GRM3: variants seen among roughly 807,000 people sequenced by gnomAD.
GRM3 encodes glutamate metabotropic receptor 3.
In GRM3, 26 loss-of-function variants were observed where a neutral mutation model predicts 70.5. That is an observed-to-expected ratio of 0.37 (90% CI 0.27 to 0.51). The LOEUF (loss-of-function observed/expected upper bound fraction) is 0.51. Ranked by LOEUF, GRM3 falls within the 20% of genes least tolerant of loss-of-function variation. The pLI is 0.93. For missense variants in GRM3, 859 were observed against 1,123.8 expected, an observed-to-expected ratio of 0.76 and a Z score of 3.37; for synonymous variants, 443 against 434.9, an observed-to-expected ratio of 1.02 and a Z score of -0.23.
intron 1 of GRM3, among the ~76,000 whole-genome samples, chr7:86,666,137 T>A (rs1009409750): frequency 6.6e-6 from 1 of 152,060 alleles, no homozygotes. Context: ...AATAATCCTT[T>A]AGAGGTTTTA....
chr7:86,726,503 T>C (rs1795596069), intron 1 of GRM3, among the ~76,000 whole-genome samples: 1 of 152,206 alleles, frequency 6.6e-6, no homozygotes. Flanking sequence ...TCAGTTCAAT[T>C]CTTTGTGTTC....
rs372478503 is a variant in GRM3, at chr7:86,765,119, T to C, written c.-27T>C. ...TGACACATTGGCTCCACCATTGATA[T>C]CTCCCAGAGGTACAGAAACAGGATT... On this transcript the variant is annotated 5_prime_UTR_variant, in exon 2 of 6. Coordinates refer to ENST00000361669, the MANE Select transcript of GRM3 (RefSeq NM_000840.3). 3.3e-5 allele frequency: 51 copies of C among 1,533,000 alleles called. No homozygotes were observed. The highest frequency in any genetic ancestry group is 4.0e-5 in the Non-Finnish European group (46 of 1,146,530). 95.0% of individuals were successfully genotyped at this position (1,533,000 alleles called of 1,614,324 possible).
At chr7:86,756,734 A>G (rs1431514860) in intron 1 of GRM3, among the ~76,000 whole-genome samples, 1 of 152,018 alleles carries the variant, frequency 6.6e-6, no homozygotes, top group Non-Finnish European at 1.5e-5. Context: ...TTGGTTTTGT[A>G]ATCTTATGTT....
chr7:86,747,685 T>C (rs918437707), intron 1 of GRM3, among the ~76,000 whole-genome samples: 1 of 152,082 alleles, frequency 6.6e-6, no homozygotes, highest in African/African-American at 2.4e-5. Context: ...TCTGCATCCT[T>C]ACACTGGTAA....
chr7:86,775,588 T>C (rs1002035666), intron 2 of GRM3, among the ~76,000 whole-genome samples: 1 of 152,048 alleles, frequency 6.6e-6, no homozygotes, highest in African/African-American at 2.4e-5. Context: ...ATTAATAGCT[T>C]TTTATCTCTT....
chr7:86,776,673 T>C (rs1001078792), intron 2 of GRM3, among the ~76,000 whole-genome samples: 1 of 152,162 alleles, frequency 6.6e-6, no homozygotes, highest in Non-Finnish European at 1.5e-5. Flanking sequence ...TACAAGTGAC[T>C]TCAGGGACCA....
intron 1 of GRM3, among the ~76,000 whole-genome samples, chr7:86,715,478 T>C (rs540537467): frequency 4.6e-5 from 7 of 152,150 alleles, no homozygotes; most frequent in South Asian, 4.1e-4. Flanking sequence ...TCTTGCATTA[T>C]AAGTAGATGC....
intron 1 of GRM3, among the ~76,000 whole-genome samples, chr7:86,705,655 T>C (rs1452653808): frequency 2.6e-5 from 4 of 152,074 alleles, no homozygotes; most frequent in Non-Finnish European, 4.4e-5. Flanking sequence ...TTGTTTTGCA[T>C]ACATAATTTT....
chr7:86,728,649 C>T (rs532230414), intron 1 of GRM3, among the ~76,000 whole-genome samples: 1 of 152,294 alleles, frequency 6.6e-6, no homozygotes, highest in African/African-American at 2.4e-5. Context: ...TTCTGTTTGT[C>T]CTACCACTTT....
At chr7:86,702,339 C>G (rs768007543) in intron 1 of GRM3, among the ~76,000 whole-genome samples, 53 of 152,126 alleles carry the variant, frequency 3.5e-4, no homozygotes, top group South Asian at 1.2e-3. Context: ...CTCTTCATCC[C>G]TTGCTGCATC....
At chr7:86,646,448 T>A (rs1413844978) in intron 1 of GRM3, among the ~76,000 whole-genome samples, 10 of 152,152 alleles carry the variant, frequency 6.6e-5, no homozygotes, top group Admixed American at 6.5e-4. Context: ...TATCTTATGT[T>A]CAGAGTAACA....
intron 2 of GRM3, among the ~76,000 whole-genome samples, chr7:86,783,093 G>C (rs963014214): frequency 6.6e-6 from 1 of 152,094 alleles, no homozygotes; most frequent in Non-Finnish European, 1.5e-5. Flanking sequence ...GAATATTCCA[G>C]AACCAAGCTT....
chr7:86,836,723 A>G (rs1425615146), intron 3 of GRM3, among the ~76,000 whole-genome samples: 5 of 152,180 alleles, frequency 3.3e-5, no homozygotes, highest in Admixed American at 6.5e-5. Flanking sequence ...TATTATCATT[A>G]TCACTAACAC....
chr7:86,693,995 C>T (rs1334747793), intron 1 of GRM3, among the ~76,000 whole-genome samples: 1 of 152,138 alleles, frequency 6.6e-6, no homozygotes, highest in Non-Finnish European at 1.5e-5. Context: ...GTATTAAGTT[C>T]ATAAATCACT....
At chr7:86,759,730 AC>A (rs1796433393) in intron 1 of GRM3, among the ~76,000 whole-genome samples, 1 of 152,190 alleles carries the variant, frequency 6.6e-6, no homozygotes, top group Non-Finnish European at 1.5e-5. Flanking sequence ...CAGTGGAGTA[AC>A]ATGGAAGGCT....
At chr7:86,811,000 C>T (rs1451966818) in intron 3 of GRM3, among the ~76,000 whole-genome samples, 2 of 151,820 alleles carry the variant, frequency 1.3e-5, no homozygotes, top group Non-Finnish European at 2.9e-5. Context: ...TTTTAATTGA[C>T]ACTGGCCAAA....
Position 86,644,786 on chromosome 7 carries a change from A to T in GRM3, c.-227A>T. 1 of 1,289,342 alleles carries T rather than the reference A, an allele frequency of 7.8e-7. No homozygotes were observed. The highest frequency in any genetic ancestry group is 2.1e-4 in the Middle Eastern group (1 of 4,690). The allele number at this position is 1,289,342 out of a possible 1,614,324, so 79.9% of individuals were successfully genotyped here. On this transcript the variant is annotated 5_prime_UTR_variant, in exon 1 of 6. Transcript: ENST00000361669. ...CTTTTGTGTCGGATGAGGAGGACCA[A>T]CCATGAGCCAGAGCCCGGGTGCAGG...
intron 1 of GRM3, among the ~76,000 whole-genome samples, chr7:86,673,552 G>T (rs1238522197): frequency 3.9e-5 from 6 of 152,066 alleles, no homozygotes; most frequent in Non-Finnish European, 8.8e-5. Flanking sequence ...ACTGCTTCCA[G>T]ATTGCTTCCT....
intron 1 of GRM3, among the ~76,000 whole-genome samples, chr7:86,650,616 A>G (rs79025706): frequency 0.016 from 2,398 of 152,306 alleles, 50 homozygotes; most frequent in African/African-American, 0.054. Flanking sequence ...ATGAAATTCT[A>G]AAATAGAAAA....
Sources: gnomAD v4.1 joint callset for allele counts (sites outside exome capture counted in the v4.1 genomes callset) on GRCh38, gnomAD v4.1.1 for gene constraint, MANE v1.5 for transcripts, NCBI Gene and HGNC (gene_info 2026-07-23, HGNC 2026-07-21) for gene names.